Variants in FAM216B observed in about 807,000 individuals in gnomAD.
FAM216B encodes protein FAM216B.
A neutral mutation model predicts 12.9 loss-of-function variants in FAM216B; 11 were observed. That is an observed-to-expected ratio of 0.86 (90% CI 0.54 to 1.42). The LOEUF (loss-of-function observed/expected upper bound fraction) is 1.42, where lower values mean the gene tolerates loss of function less well. Among genes scored for constraint, FAM216B ranks in the 40% most tolerant of loss-of-function variants. The pLI, the probability that FAM216B is intolerant of heterozygous loss-of-function variation, is 0.00. For missense variants in FAM216B, 167 were observed against 162.9 expected (o/e 1.02, Z -0.14); for synonymous variants, 52 against 57.2 (o/e 0.91, Z 0.41).
In FAM216B at chr13:42,791,536, C is replaced by A. The variant is rs1438493551; in HGVS notation, c.*2746C>A. 1.3e-5 allele frequency: 2 copies of A among 151,916 alleles called. No homozygotes were observed. Among genetic ancestry groups the A allele is most frequent in the African/African-American group, 2.4e-5 (1 of 41,338 alleles). 9.4% of individuals were successfully genotyped at this position (151,916 alleles called of 1,614,324 possible). On this transcript the variant is annotated 3_prime_UTR_variant, in exon 4 of 4. Coordinates refer to ENST00000313851, the MANE Select transcript of FAM216B (RefSeq NM_001318932.2). ...ATGTATAATTTATATGCAATAAATG[C>A]CCTCAAAGTTCAATGAATTTTTCTT...
At chr13:42,785,775 AT>A (rs1000265988) in intron 2 of FAM216B, among the ~76,000 whole-genome samples, 8 of 149,936 alleles carry the variant, frequency 5.3e-5, no homozygotes, top group Non-Finnish European at 5.9e-5. Context: ...CTGCATGGCC[AT>A]TTTTTTTTAA....
In FAM216B at chr13:42,788,711, G is replaced by A; in HGVS notation, c.341G>A (p.Arg114Lys). Residue 114 changes from arginine to lysine, a missense_variant, in exon 4 of 4, where the codon AGA becomes AAA. By Grantham distance (26) the Arg-to-Lys change is conservative (BLOSUM62 2). Coordinates refer to ENST00000313851, the MANE Select transcript of FAM216B (RefSeq NM_001318932.2). ...CCCCGGAAAACTTCAGCCATGACAA[G>A]AAGATGTCCATCAGTACTACCTGTA... The part of the protein sequence containing the change: ...TIPRKTSAMT[R>K]RCPSVLPVSV... The A allele has an allele frequency of 6.2e-7, 1 of 1,613,918 alleles. No homozygotes were observed. Among genetic ancestry groups the A allele is most frequent in the Non-Finnish European group, 8.5e-7 (1 of 1,179,842 alleles).
In FAM216B at chr13:42,789,638, G is replaced by A. The variant is rs1275487638; in HGVS notation, c.*848G>A. On this transcript the variant is annotated 3_prime_UTR_variant, in exon 4 of 4. Transcript: ENST00000313851. ...GGTTATTTTCATCACCAGAGATTTTGTGTGTGTGTGTGTGTGTGTGTGTGT... is the reference window on the plus strand; with the variant it reads ...GGTTATTTTCATCACCAGAGATTTTATGTGTGTGTGTGTGTGTGTGTGTGT... The A allele has an allele frequency of 3.4e-4, 6 of 17,540 alleles. No homozygotes were observed. The highest frequency in any genetic ancestry group is 2.0e-3 in the African/African-American group (6 of 3,074). 1.1% of individuals were successfully genotyped at this position (17,540 alleles called of 1,614,324 possible). A position where few individuals can be genotyped will look rare whatever the true frequency, so the allele number is the denominator to read the frequency against.
At position 42,786,750 on chromosome 13, in the gene FAM216B, T is replaced by C. The variant is rs764748088; in HGVS notation, c.100-13T>C. ...CCACACACTCATCAAAATCACCTGT[T>C]CTGTTCCAACAGGCCCTCAACCAAG... On this transcript the variant is annotated splice_polypyrimidine_tract_variant and intron_variant, in intron 2 of 3. Transcript: ENST00000313851. 3 of 1,613,704 alleles carry C rather than the reference T, an allele frequency of 1.9e-6. No individual in the cohort carries two copies. Among genetic ancestry groups the C allele is most frequent in the Admixed American group, 3.3e-5 (2 of 59,968 alleles).
Position 42,790,138 on chromosome 13 carries a change from T to C in FAM216B, c.*1348T>C, listed in dbSNP as rs747932905. On this transcript the variant is annotated 3_prime_UTR_variant, in exon 4 of 4. Transcript: ENST00000313851. ...TGTATTCTAAATACCTTTACAGTTC[T>C]AAGTGAGAAATTGTTACATAGGCTT... The C allele has an allele frequency of 6.6e-6, 1 of 152,278 alleles. No individual in the cohort carries two copies. Among genetic ancestry groups the C allele is most frequent in the Non-Finnish European group, 1.5e-5 (1 of 68,032 alleles). 9.4% of individuals were successfully genotyped at this position (152,278 alleles called of 1,614,324 possible).
chr13:42,782,153 C>T (rs1873878371), intron 1 of FAM216B, among the ~76,000 whole-genome samples: 1 of 152,218 alleles, frequency 6.6e-6, no homozygotes, highest in African/African-American at 2.4e-5. Flanking sequence ...TAATAAATTT[C>T]TCTTCTGGAA....
chr13:42,790,373 T>C lies in FAM216B; in HGVS notation c.*1583T>C, dbSNP rs1453494224. 6.6e-6 allele frequency: 1 copy of C among 152,002 alleles called. No homozygotes were observed. The highest frequency in any genetic ancestry group is 2.4e-5 in the African/African-American group (1 of 41,378). The allele number at this position is 152,002 out of a possible 1,614,324, so 9.4% of individuals were successfully genotyped here. ...AGGTATTTGCTGTGTAAGCCTTATC[T>C]AGTGATGCAGAATATCAAGGAGGCC... On this transcript the variant is annotated 3_prime_UTR_variant, in exon 4 of 4. Transcript: ENST00000313851.
rs1874208340 is a variant in FAM216B at position 42,789,022 on chromosome 13, T to G, written c.*232T>G. 1 of 358,558 alleles carries G rather than the reference T, an allele frequency of 2.8e-6. No homozygotes were observed. Among genetic ancestry groups the G allele is most frequent in the African/African-American group, 2.0e-5 (1 of 49,008 alleles). 22.2% of individuals were successfully genotyped at this position (358,558 alleles called of 1,614,324 possible). A position where few individuals can be genotyped will look rare whatever the true frequency, so the allele number is the denominator to read the frequency against. On this transcript the variant is annotated 3_prime_UTR_variant, in exon 4 of 4. Coordinates refer to ENST00000313851, the MANE Select transcript of FAM216B (RefSeq NM_001318932.2). ...AACATCCGTAGAGTAAAAGGACTTT[T>G]AAAGCTTTCAAAGTAAAAGTTTACT...
chr13:42,786,467 G>T (rs1307452650), intron 2 of FAM216B, among the ~76,000 whole-genome samples: 1 of 152,024 alleles, frequency 6.6e-6, no homozygotes, highest in Non-Finnish European at 1.5e-5. Flanking sequence ...CCTCAATAAG[G>T]ATCAAAGAAA....
rs758172281 is a variant in FAM216B at position 42,784,078 on chromosome 13, A to C, written c.11A>C (p.Asn4Thr). 6 of 1,605,662 alleles carry C rather than the reference A, an allele frequency of 3.7e-6. No homozygotes were observed. The highest frequency in any genetic ancestry group is 5.1e-6 in the Non-Finnish European group (6 of 1,176,508). Residue 4 changes from asparagine (N) to threonine (T), a missense_variant, in exon 2 of 4, where the codon AAC (asparagine) becomes ACC (threonine). Coordinates refer to ENST00000313851, the MANE Select transcript of FAM216B (RefSeq NM_001318932.2). ...GGTATAGGATAAACGATGGGACAAA[A>C]CTGGAAAAGACAACAAAAGCTTTGG... MGQNWKRQQKLWNV... is the reference protein window; with the variant it reads MGQTWKRQQKLWNV...
intron 2 of FAM216B, among the ~76,000 whole-genome samples, chr13:42,784,649 C>T (rs2138033617): frequency 1.0e-5 from 1 of 99,644 alleles, no homozygotes; most frequent in Non-Finnish European, 1.9e-5. Flanking sequence ...AACCCCGTCT[C>T]TACTAAAAAT....
intron 3 of FAM216B, 144 bp downstream of exon 3, chr13:42,787,027 A>G: frequency 7.8e-7 from 1 of 1,286,824 alleles, no homozygotes; most frequent in East Asian, 2.5e-5. Flanking sequence ...GCCAAGTTTC[A>G]AAGTGCTTAT....
chr13:42,786,856 C>G lies in FAM216B; in HGVS notation c.193C>G (p.His65Asp). Residue 65 changes from histidine to aspartate, a missense_variant, in exon 3 of 4, where the codon CAC (histidine) becomes GAC (aspartate). Coordinates refer to ENST00000313851, the MANE Select transcript of FAM216B (RefSeq NM_001318932.2). ...QWEALQTRYI[H>D]SLQHQQLLGY... ...GGAGGCCCTGCAGACCCGCTACATT[C>G]ACAGCCTTCAGCACCAACAGCTGCT... 2 of 1,614,028 alleles carry G rather than the reference C, an allele frequency of 1.2e-6. No homozygotes were observed. Among genetic ancestry groups the G allele is most frequent in the Non-Finnish European group, 8.5e-7 (1 of 1,179,924 alleles).
At chr13:42,787,029 A>C (rs1874120055) in intron 3 of FAM216B, 146 bp downstream of exon 3, 2 of 1,279,124 alleles carry the variant, frequency 1.6e-6, no homozygotes, top group African/African-American at 1.5e-5. Flanking sequence ...CAAGTTTCAA[A>C]GTGCTTATTC....
chr13:42,787,013 G>A (rs1271218681), intron 3 of FAM216B, 130 bp downstream of exon 3: 2 of 1,346,082 alleles, frequency 1.5e-6, no homozygotes, highest in African/African-American at 1.5e-5. Flanking sequence ...AACATAGCTG[G>A]TTAGCCAAGT....
intron 1 of FAM216B, among the ~76,000 whole-genome samples, chr13:42,782,778 T>A (rs990026007): frequency 6.6e-6 from 1 of 152,196 alleles, no homozygotes; most frequent in African/African-American, 2.4e-5. Context: ...TTATTCTGTA[T>A]CTTTCTCAGG....
chr13:42,790,265 C>T lies in FAM216B; in HGVS notation c.*1475C>T, dbSNP rs1390668113. 6.6e-6 allele frequency: 1 copy of T among 152,080 alleles called. No homozygotes were observed. The highest frequency in any genetic ancestry group is 1.5e-5 in the Non-Finnish European group (1 of 68,024). The allele number at this position is 152,080 out of a possible 1,614,324, so 9.4% of individuals were successfully genotyped here. The stretch of plus-strand genomic sequence containing the variant: ...CCTAACTTGGCCTATACTAGCCTTC[C>T]CATTGTTTTCACAATGGGCCTTTTA... On this transcript the variant is annotated 3_prime_UTR_variant, in exon 4 of 4. Transcript: ENST00000313851.
chr13:42,787,871 G>T (rs1387045793), intron 3 of FAM216B, among the ~76,000 whole-genome samples: 3 of 152,140 alleles, frequency 2.0e-5, no homozygotes, highest in Non-Finnish European at 1.5e-5. Context: ...CCTGTATGTG[G>T]CAGGTGTCTT....
In FAM216B at chr13:42,788,573, C is replaced by G; in HGVS notation, c.221-18C>G. On this transcript the variant is annotated intron_variant, in intron 3 of 3. Coordinates refer to ENST00000313851, the MANE Select transcript of FAM216B (RefSeq NM_001318932.2). ...TAAAATTGTTGATTTTGAAGTTTCT[C>G]TCATTTCTTTCCCCTAGGCTATATT... 6.5e-7 allele frequency: 1 copy of G among 1,540,490 alleles called. No homozygotes were observed. The highest frequency in any genetic ancestry group is 8.8e-7 in the Non-Finnish European group (1 of 1,140,998).
Sources: allele counts gnomAD v4.1 joint callset (sites outside exome capture counted in the v4.1 genomes callset), GRCh38; gene constraint gnomAD v4.1.1; transcripts MANE v1.5; gene names NCBI Gene and HGNC (gene_info 2026-07-23, HGNC 2026-07-21).